HPSE2: variants seen among roughly 807,000 people sequenced by gnomAD.
The protein encoded by HPSE2 is heparanase 2 (inactive), also known as inactive heparanase-2.
HPSE2 carries 38 observed loss-of-function variants against 60.5 expected under a neutral mutation model. That is an observed-to-expected ratio of 0.63 (90% CI 0.48 to 0.82). The LOEUF is 0.82. Among genes scored for constraint, HPSE2 ranks in the 40% least tolerant of loss-of-function variants. The probability of loss-of-function intolerance (pLI) is 0.00; values close to 1 mark genes in which losing one functional copy is unlikely to be tolerated. For synonymous variants in HPSE2, 295 were observed against 293.2 expected (o/e 1.01, Z -0.06); for missense variants, 713 against 740.4 (o/e 0.96, Z 0.43).
intron 3 of HPSE2, among the ~76,000 whole-genome samples, chr10:99,020,157 G>A (rs1210004829): frequency 6.6e-6 from 1 of 151,974 alleles, no homozygotes; most frequent in Non-Finnish European, 1.5e-5. Context: ...ATTACTTATT[G>A]AGCACTTACT....
chr10:98,889,060 GTCAGA>G (rs1408808652), intron 3 of HPSE2, among the ~76,000 whole-genome samples: 1 of 152,064 alleles, frequency 6.6e-6, no homozygotes, highest in African/African-American at 2.4e-5. Flanking sequence ...TGATACCAGT[GTCAGA>G]TCAATCACTT....
intron 3 of HPSE2, among the ~76,000 whole-genome samples, chr10:98,749,694 T>C (rs1949709688): frequency 6.6e-6 from 1 of 150,880 alleles, no homozygotes. Context: ...TTCAATACTT[T>C]ATTATAAGAT....
intron 9 of HPSE2, among the ~76,000 whole-genome samples, chr10:98,525,030 G>T (rs1942918895): frequency 6.6e-6 from 1 of 152,158 alleles, no homozygotes; most frequent in Non-Finnish European, 1.5e-5. Context: ...TTTATTTACA[G>T]ATAGAATTTC....
the HPSE2 span, among the ~76,000 whole-genome samples, chr10:99,300,722 G>A: frequency 5.3e-5 from 8 of 152,150 alleles, no homozygotes; most frequent in South Asian, 2.1e-4. Context: ...CCTCCCTTCC[G>A]TCACATATTG....
chr10:98,878,445 G>A (rs140189426), intron 3 of HPSE2, among the ~76,000 whole-genome samples: 58 of 152,004 alleles, frequency 3.8e-4, no homozygotes, highest in Non-Finnish European at 7.8e-4. Context: ...TTGCTCTCAC[G>A]GAGCTTATTT....
At chr10:98,461,692 C>T in intron 11 of HPSE2, 1 of 1,113,424 alleles carries the variant, frequency 9.0e-7, no homozygotes, top group Non-Finnish European at 1.3e-6. Context: ...AAATTTATAT[C>T]AGGTCTCTGC....
chr10:99,232,615 A>G (rs1033741593), intron 1 of HPSE2, 110 bp from the exon 2 acceptor site: 1 of 1,268,368 alleles, frequency 7.9e-7, no homozygotes, highest in Non-Finnish European at 1.1e-6. Flanking sequence ...GGCCGGGGCT[A>G]GAGGCTCTGT....
At chr10:98,819,528 A>G (rs1951374648) in intron 3 of HPSE2, among the ~76,000 whole-genome samples, 1 of 151,816 alleles carries the variant, frequency 6.6e-6, no homozygotes, top group Non-Finnish European at 1.5e-5. Flanking sequence ...TAAGGGTAAG[A>G]TAATTCTTAA....
chr10:99,041,086 CA>C (rs35757094), intron 3 of HPSE2, among the ~76,000 whole-genome samples: 13,519 of 122,176 alleles, frequency 0.11, 631 homozygotes, highest in South Asian at 0.21. Context: ...GACTCCATCT[CA>C]AAAAAAAAAA....
intron 9 of HPSE2, among the ~76,000 whole-genome samples, chr10:98,540,876 A>G (rs1255699723): frequency 6.6e-6 from 1 of 152,238 alleles, no homozygotes; most frequent in African/African-American, 2.4e-5. Flanking sequence ...AAATATGAGG[A>G]TAATTAAATT....
intron 2 of HPSE2, among the ~76,000 whole-genome samples, chr10:99,147,777 A>C (rs150963368): frequency 1.5e-4 from 23 of 152,330 alleles, no homozygotes; most frequent in African/African-American, 5.3e-4. Context: ...AGATAAACAC[A>C]AAGCAAAGAT....
At chr10:98,854,681 A>C (rs1217968276) in intron 3 of HPSE2, among the ~76,000 whole-genome samples, 1 of 152,232 alleles carries the variant, frequency 6.6e-6, no homozygotes, top group Non-Finnish European at 1.5e-5. Context: ...AAAAGGACAT[A>C]TAACATGTAA....
Position 99,009,240 on chromosome 10 carries a change from C to CA in HPSE2, c.610+134997dup, listed in dbSNP as rs56775967. ...GCAACATAACAAGGCCCAGTGTCTA[C>CA]AAAAAAAAAAAAAAAAAAAAAAAAA... On this transcript the variant is annotated intron_variant, in intron 3 of 11. Coordinates refer to ENST00000370552, the MANE Select transcript of HPSE2 (RefSeq NM_021828.5). Among the ~76,000 whole-genome samples, 521 of 74,406 alleles carry CA rather than the reference C, an allele frequency of 7.0e-3. 40 individuals are homozygous for CA. Among genetic ancestry groups the CA allele is most frequent in the African/African-American group, 9.3e-3 (149 of 16,000 alleles). The allele number at this position is 74,406 out of a possible 152,430, so 48.8% of individuals were successfully genotyped here.
In HPSE2 at chr10:98,625,389, T is replaced by C. The variant is rs564758229; in HGVS notation, c.1099-4681A>G. Among the ~76,000 whole-genome samples, 7 of 152,236 alleles carry C rather than the reference T, an allele frequency of 4.6e-5. No homozygotes were observed. The South Asian group carries it at 1.0e-3, about 23-fold the overall frequency. On this transcript the variant is annotated intron_variant, in intron 7 of 11. Transcript: ENST00000370552. ...CTTGATCTGAGAAGGAAAAGGAAAA[T>C]TGTGCTTTGCTTAGCAGGTAATTTA... is the stretch of plus-strand genomic sequence containing the variant.
At chr10:99,079,742 G>T (rs1322639052) in intron 3 of HPSE2, among the ~76,000 whole-genome samples, 1 of 152,096 alleles carries the variant, frequency 6.6e-6, no homozygotes, top group Non-Finnish European at 1.5e-5. Context: ...AAGTTTGGGA[G>T]CTGGGTTTAT....
intron 6 of HPSE2, among the ~76,000 whole-genome samples, chr10:98,644,972 T>G (rs1946730005): frequency 6.6e-6 from 1 of 152,106 alleles, no homozygotes; most frequent in Non-Finnish European, 1.5e-5. Context: ...TTATTTTATC[T>G]CAATAGTGCT....
intron 3 of HPSE2, among the ~76,000 whole-genome samples, chr10:98,792,020 CGAACAGCATGGGAAA>C (rs1332638555): frequency 8.5e-5 from 13 of 152,068 alleles, no homozygotes; most frequent in Admixed American, 3.9e-4. Context: ...ACCTGTCTCC[CGAACAGCATGGGAAA>C]ATATGCGCAT....
chr10:98,503,521 C>T (rs1942097115), intron 9 of HPSE2, among the ~76,000 whole-genome samples: 1 of 152,134 alleles, frequency 6.6e-6, no homozygotes, highest in Admixed American at 6.5e-5. Flanking sequence ...TGGGTATCTA[C>T]CCAGAGGAAA....
At chr10:98,953,142 T>G (rs1955413806) in intron 3 of HPSE2, among the ~76,000 whole-genome samples, 1 of 152,158 alleles carries the variant, frequency 6.6e-6, no homozygotes. Flanking sequence ...GGAATATGTC[T>G]TAAACAAGAG....
Sources: allele counts gnomAD v4.1 joint callset (sites outside exome capture counted in the v4.1 genomes callset), GRCh38; gene constraint gnomAD v4.1.1; transcripts MANE v1.5; gene names NCBI Gene and HGNC (gene_info 2026-07-23, HGNC 2026-07-21).